Variants in C1orf94 observed in about 807,000 individuals in gnomAD.
C1orf94 encodes uncharacterized protein C1orf94.
In C1orf94, 45 loss-of-function variants were observed where a neutral mutation model predicts 53.6. That is an observed-to-expected ratio of 0.84 (90% CI 0.66 to 1.08). The LOEUF (loss-of-function observed/expected upper bound fraction) is 1.08. Ranked by LOEUF, C1orf94 falls within the 50% of genes least tolerant of loss-of-function variation. The pLI is 0.00. For synonymous variants in C1orf94, 304 were observed against 296.1 expected (o/e 1.03, Z -0.27); for missense variants, 762 against 738.9 (o/e 1.03, Z -0.36).
intron 4 of C1orf94, among the ~76,000 whole-genome samples, chr1:34,202,843 A>G (rs1444945334): frequency 6.6e-6 from 1 of 152,218 alleles, no homozygotes; most frequent in East Asian, 1.9e-4. Flanking sequence ...CACAGATTCA[A>G]CCAATCTTGG....
chr1:34,177,955 G>A lies in C1orf94; in HGVS notation c.166G>A (p.Asp56Asn). ...CCCCAGATACATCTGGATCCACCAG[G>A]ACACACCCCAAGACAGCCTAGACAA... ...PFPRYIWIHQ[D>N]TPQDSLDKTC... Residue 56 changes from aspartate to asparagine, a missense_variant, in exon 1 of 7, where the codon GAC becomes AAC. Coordinates refer to ENST00000488417, the MANE Select transcript of C1orf94 (RefSeq NM_001134734.2). 1 of 1,551,712 alleles carries A rather than the reference G, an allele frequency of 6.4e-7. No homozygotes were observed. The highest frequency in any genetic ancestry group is 1.2e-5 in the South Asian group (1 of 84,060).
chr1:34,190,883 C>A (rs1270385783), intron 1 of C1orf94, among the ~76,000 whole-genome samples: 1 of 152,180 alleles, frequency 6.6e-6, no homozygotes, highest in Non-Finnish European at 1.5e-5. Context: ...AACTGTGACT[C>A]ATTTAGCTCT....
intron 4 of C1orf94, 139 bp from the exon 5 acceptor site, chr1:34,208,018 C>T: frequency 1.3e-6 from 1 of 741,712 alleles, no homozygotes; most frequent in African/African-American, 1.7e-5. Flanking sequence ...CTGGTTCCAG[C>T]TGGCCTCAGA....
chr1:34,176,990 A>G lies in C1orf94; in HGVS notation c.-800A>G, dbSNP rs1642236291. Among the ~76,000 whole-genome samples the G allele has an allele frequency of 6.6e-6, 1 of 152,118 alleles. No individual in the cohort carries two copies. The highest frequency in any genetic ancestry group is 2.4e-5 in the African/African-American group (1 of 41,448). On this transcript the variant is annotated 5_prime_UTR_variant, in exon 1 of 7. Coordinates refer to ENST00000488417, the MANE Select transcript of C1orf94 (RefSeq NM_001134734.2). ...GAGGGTGTGGGAGCTACTGGCAGGCAAATTGGTGGGAGCCGCCCGGCCCAG... is the reference window on the plus strand; with the variant it reads ...GAGGGTGTGGGAGCTACTGGCAGGCGAATTGGTGGGAGCCGCCCGGCCCAG...
chr1:34,175,180 G>A (rs1642205246), upstream of C1orf94, among the ~76,000 whole-genome samples: 2 of 135,642 alleles, frequency 1.5e-5, no homozygotes, highest in South Asian at 4.9e-4. Context: ...CCGTATCCCT[G>A]CTGTATTTGA....
At chr1:34,174,834 C>T (rs1642198799), upstream of C1orf94, among the ~76,000 whole-genome samples, 1 of 152,202 alleles carries the variant, frequency 6.6e-6, no homozygotes, top group East Asian at 1.9e-4. Context: ...CCTAAGCTTA[C>T]ATTGCCAGAA....
At chr1:34,204,124 G>T (rs6673922) in intron 4 of C1orf94, among the ~76,000 whole-genome samples, 5,498 of 152,254 alleles carry the variant, frequency 0.036, 171 homozygotes, top group South Asian at 0.095. Context: ...GGCTTGTCCT[G>T]TTGCTATGTC....
At position 34,208,160 on chromosome 1, in the gene C1orf94, C is replaced by T; in HGVS notation, c.1450C>T (p.Leu484=). ...NHSTFLQYQG[L]YPQQAARMPY... ...CTGAGCCTCTGTTTCTCCCCAGGGC[C>T]TGTACCCACAGCAGGCAGCGAGGAT... The change falls in exon 5 of 7, where the codon CTG becomes TTG. Residue 484 remains leucine (L), a synonymous_variant. Coordinates refer to ENST00000488417, the MANE Select transcript of C1orf94 (RefSeq NM_001134734.2). The T allele has an allele frequency of 6.2e-7, 1 of 1,614,100 alleles. No individual in the cohort carries two copies. Among genetic ancestry groups the T allele is most frequent in the South Asian group, 1.1e-5 (1 of 91,032 alleles).
Position 34,197,532 on chromosome 1 carries a change from A to G in C1orf94, c.628A>G (p.Ile210Val). 1.2e-6 allele frequency: 2 copies of G among 1,614,128 alleles called. No homozygotes were observed. The highest frequency in any genetic ancestry group is 1.7e-6 in the Non-Finnish European group (2 of 1,180,010). The change falls in exon 2 of 7, where the codon ATT becomes GTT. Residue 210 changes from isoleucine to valine, a missense_variant. Transcript: ENST00000488417. This position sits in a 1 kb window ranked among gnomAD's most constrained non-coding sequence, Gnocchi z 4.1. ...TTCTGCCACTTCTACTGTCACAGAC[A>G]TTCTGTGTGCCGCCGAGGTCAAGAG... Reference protein sequence around the residue: ...CDSATSTVTDILCAAEVKSSK... With the variant: ...CDSATSTVTDVLCAAEVKSSK...
At chr1:34,184,603 A>C (rs1226574550) in intron 1 of C1orf94, among the ~76,000 whole-genome samples, 1 of 152,236 alleles carries the variant, frequency 6.6e-6, no homozygotes, top group Non-Finnish European at 1.5e-5. Flanking sequence ...TATTTGTTGC[A>C]AGAAGGAAGA....
chr1:34,213,146 A>G (rs896600404), intron 6 of C1orf94, among the ~76,000 whole-genome samples: 3 of 152,172 alleles, frequency 2.0e-5, no homozygotes, highest in African/African-American at 7.2e-5. Flanking sequence ...ATTCCTGGGA[A>G]TCCCAGTCTC....
intron 1 of C1orf94, among the ~76,000 whole-genome samples, chr1:34,181,008 A>C (rs1464033261): frequency 1.3e-5 from 2 of 151,994 alleles, no homozygotes; most frequent in African/African-American, 4.8e-5. Flanking sequence ...TCAGATGGGG[A>C]GCTTACCACT....
At chr1:34,173,005 A>G (rs1642170730), upstream of C1orf94, among the ~76,000 whole-genome samples, 1 of 152,242 alleles carries the variant, frequency 6.6e-6, no homozygotes, top group Non-Finnish European at 1.5e-5. Flanking sequence ...TAAATATTTT[A>G]TGATTAGTCC....
intron 1 of C1orf94, among the ~76,000 whole-genome samples, chr1:34,187,136 G>T (rs556861597): frequency 1.2e-4 from 18 of 152,194 alleles, no homozygotes; most frequent in African/African-American, 3.9e-4. Context: ...TACTTTATAG[G>T]TGCCAGGCTC....
At chr1:34,170,613 G>A (rs1484975516) in intron 1 of C1orf94, among the ~76,000 whole-genome samples, 1 of 152,040 alleles carries the variant, frequency 6.6e-6, no homozygotes, top group African/African-American at 2.4e-5. Flanking sequence ...GGCAACTCTA[G>A]GATGGAAACC....
Position 34,202,168 on chromosome 1 carries a change from C to A in C1orf94, c.1355C>A (p.Thr452Asn), listed in dbSNP as rs768712920. Reference protein sequence around the residue: ...VFTPHFPTAMTSATLNQPLWL... With the variant: ...VFTPHFPTAMNSATLNQPLWL... ...ACTCCACACTTTCCTACAGCCATGA[C>A]CTCAGCAACCCTGAACCAGCCACTC... The change falls in exon 4 of 7, where the codon ACC (threonine) becomes AAC (asparagine). Residue 452 changes from threonine (T) to asparagine (N), a missense_variant. Physicochemically the swap from Thr to Asn is moderately conservative, Grantham distance 65. Transcript: ENST00000488417. 3 of 1,614,236 alleles carry A rather than the reference C, an allele frequency of 1.9e-6. No homozygotes were observed. The highest frequency in any genetic ancestry group is 2.5e-6 in the Non-Finnish European group (3 of 1,180,050).
intron 1 of C1orf94, among the ~76,000 whole-genome samples, chr1:34,168,298 A>G (rs1642083113): frequency 1.3e-5 from 2 of 152,046 alleles, no homozygotes; most frequent in Admixed American, 6.5e-5. Context: ...TTAATTAATT[A>G]ATTAATATAA....
At chr1:34,208,718 G>C (rs1473137720) in intron 5 of C1orf94, among the ~76,000 whole-genome samples, 1 of 152,150 alleles carries the variant, frequency 6.6e-6, no homozygotes, top group Non-Finnish European at 1.5e-5. Context: ...GGTTTAGGTG[G>C]GTTCCATGTG....
intron 1 of C1orf94, among the ~76,000 whole-genome samples, chr1:34,196,970 C>T (rs1642597203): frequency 6.6e-6 from 1 of 152,176 alleles, no homozygotes; most frequent in South Asian, 2.1e-4. Context: ...TGACTTGCCC[C>T]AGCTCACTCA....
Sources: gnomAD v4.1 joint callset for allele counts (sites outside exome capture counted in the v4.1 genomes callset) on GRCh38, gnomAD v4.1.1 for gene constraint, Gnocchi (gnomAD v3.1) non-coding constraint, MANE v1.5 for transcripts, NCBI Gene and HGNC (gene_info 2026-07-23, HGNC 2026-07-21) for gene names.